The following PLVAP variants were observed in gnomAD, a reference collection of about 807,000 sequenced individuals.
PLVAP encodes plasmalemma vesicle-associated protein.
A neutral mutation model predicts 43.1 loss-of-function variants in PLVAP; 34 were observed. That is an observed-to-expected ratio of 0.79 (90% CI 0.60 to 1.05). The LOEUF is 1.05. PLVAP is among the 50% of genes least tolerant of loss of function. The pLI is 0.00. For synonymous variants in PLVAP, 241 were observed against 237.3 expected (o/e 1.02, Z -0.14); for missense variants, 574 against 593.4 (o/e 0.97, Z 0.34).
chr19:17,374,003 A>G (rs894711597), intron 1 of PLVAP, among the ~76,000 whole-genome samples: 12 of 152,132 alleles, frequency 7.9e-5, no homozygotes, highest in African/African-American at 2.9e-4. Flanking sequence ...CTCTACTAAA[A>G]ATACAAAACT....
chr19:17,357,298 A>AAAAGAAAAAGGAGTGG (rs2074510440), intron 5 of PLVAP, among the ~76,000 whole-genome samples: 1 of 151,910 alleles, frequency 6.6e-6, no homozygotes, highest in Admixed American at 6.6e-5. Context: ...CATCTCAAAA[A>AAAAGAAAAAGGAGTGG]AAAGAAAAAG....
In PLVAP at chr19:17,376,911, C is replaced by T; in HGVS notation, c.369+9G>A. ...GTCCCCAGGGCGAGTGTCCTGCCCACAGCCTTACCCGGTCACCCTGGCACT... is the reference window on the plus strand; with the variant it reads ...GTCCCCAGGGCGAGTGTCCTGCCCATAGCCTTACCCGGTCACCCTGGCACT... On this transcript the variant is annotated intron_variant, in intron 1 of 5. Coordinates refer to ENST00000252590, the MANE Select transcript of PLVAP (RefSeq NM_031310.3). 1 of 1,608,476 alleles carries T rather than the reference C, an allele frequency of 6.2e-7. No homozygotes were observed. The highest frequency in any genetic ancestry group is 8.5e-7 in the Non-Finnish European group (1 of 1,177,400).
At chr19:17,352,957 C>T (rs2074492143) in intron 5 of PLVAP, among the ~76,000 whole-genome samples, 1 of 152,190 alleles carries the variant, frequency 6.6e-6, no homozygotes, top group African/African-American at 2.4e-5. Context: ...CCCAACAATT[C>T]CAAGAGCCAT....
At chr19:17,353,721 C>T (rs549665088) in intron 5 of PLVAP, among the ~76,000 whole-genome samples, 2 of 152,302 alleles carry the variant, frequency 1.3e-5, no homozygotes, top group South Asian at 4.1e-4. Flanking sequence ...AACCTTCTTA[C>T]GCTTCCTGCC....
intron 3 of PLVAP, 124 bp from the exon 4 acceptor site, chr19:17,360,956 C>A: frequency 2.2e-6 from 2 of 912,744 alleles, no homozygotes; most frequent in Non-Finnish European, 3.2e-6. Flanking sequence ...CTCTTGTTGC[C>A]CAGGCTGGAG....
chr19:17,367,652 G>T (rs2145724116), intron 1 of PLVAP, among the ~76,000 whole-genome samples: 1 of 152,256 alleles, frequency 6.6e-6, no homozygotes, highest in Admixed American at 6.5e-5. Context: ...GCCTCCCAAA[G>T]TGCTGGGATT....
chr19:17,365,891 C>G lies in PLVAP; in HGVS notation c.574G>C (p.Val192Leu), dbSNP rs151286294. Residue 192 changes from valine (V) to leucine (L), a missense_variant, in exon 3 of 6, where the codon GTG becomes CTG. Val to Leu is a conservative substitution (Grantham distance 32). Coordinates refer to ENST00000252590, the MANE Select transcript of PLVAP (RefSeq NM_031310.3). ...CATTCAACCAGCTGTTCCTCCGCCA[C>G]GCGTTTGTTCAGCAGCACGCTTTCC... ...DKESVLLNKR[V>L]AEEQLVECVK... 6.2e-7 allele frequency: 1 copy of G among 1,614,098 alleles called. No homozygotes were observed. Among genetic ancestry groups the G allele is most frequent in the East Asian group, 2.2e-5 (1 of 44,874 alleles).
intron 1 of PLVAP, among the ~76,000 whole-genome samples, chr19:17,368,827 A>C (rs2074560350): frequency 6.6e-6 from 1 of 152,088 alleles, no homozygotes; most frequent in African/African-American, 2.4e-5. Context: ...AATACAAAAA[A>C]ATTAGCAGGG....
At chr19:17,370,006 A>AC (rs2074565968) in intron 1 of PLVAP, among the ~76,000 whole-genome samples, 1 of 95,022 alleles carries the variant, frequency 1.1e-5, no homozygotes, top group Admixed American at 1.3e-4. Flanking sequence ...CTGTCTAAAA[A>AC]AAAAAAAAAA....
chr19:17,352,323 GA>G lies in PLVAP; in HGVS notation c.*38del. 3.7e-6 allele frequency: 6 copies of G among 1,612,714 alleles called. No individual in the cohort carries two copies. Among genetic ancestry groups the G allele is most frequent in the Non-Finnish European group, 5.1e-6 (6 of 1,179,054 alleles). ...ATCCCTGCATCCTCCGCAAACCGCC[GA>G]GTCGGGCCATCCCTTGGTCCTCAGG... On this transcript the variant is annotated 3_prime_UTR_variant, in exon 6 of 6. Coordinates refer to ENST00000252590, the MANE Select transcript of PLVAP (RefSeq NM_031310.3).
In PLVAP at chr19:17,352,176, G is replaced by GATCA; in HGVS notation, c.*185_*186insTGAT. 2.7e-6 allele frequency: 2 copies of GATCA among 742,128 alleles called. No homozygotes were observed. The highest frequency in any genetic ancestry group is 4.4e-6 in the Non-Finnish European group (2 of 451,574). The allele number at this position is 742,128 out of a possible 1,614,324, so 46.0% of individuals were successfully genotyped here. On this transcript the variant is annotated 3_prime_UTR_variant, in exon 6 of 6. Coordinates refer to ENST00000252590, the MANE Select transcript of PLVAP (RefSeq NM_031310.3). ...CCGCGGCCGTGTGCTCTGGGTGAGG[G>GATCA]ATCGTGAGGCGCGGGTGCGGGTGTG...
At chr19:17,359,550 C>A (rs1028439312) in intron 5 of PLVAP, among the ~76,000 whole-genome samples, 2 of 151,716 alleles carry the variant, frequency 1.3e-5, no homozygotes, top group African/African-American at 4.8e-5. Context: ...GGACTACAGG[C>A]GCATACCACC....
chr19:17,370,851 T>G (rs925224814), intron 1 of PLVAP, among the ~76,000 whole-genome samples: 1 of 151,888 alleles, frequency 6.6e-6, no homozygotes, highest in African/African-American at 2.4e-5. Flanking sequence ...GGTCAGGAGA[T>G]CTAGACCATC....
At chr19:17,355,702 T>C (rs2074504305) in intron 5 of PLVAP, among the ~76,000 whole-genome samples, 1 of 151,838 alleles carries the variant, frequency 6.6e-6, no homozygotes, top group African/African-American at 2.4e-5. Context: ...GTCCAGTTAA[T>C]TTTTTGTATT....
chr19:17,352,072 C>G lies in PLVAP; in HGVS notation c.*290G>C, dbSNP rs1334123548. 4 of 504,382 alleles carry G rather than the reference C, an allele frequency of 7.9e-6. No individual in the cohort carries two copies. In the East Asian group the frequency reaches 1.2e-4, roughly 15 times the overall value. The allele number at this position is 504,382 out of a possible 1,614,324, so 31.2% of individuals were successfully genotyped here. The stretch of plus-strand genomic sequence containing the variant: ...GCACGACGCCATCGCTATATCTCTT[C>G]GTGACGTCTACATGGCCACGTGACG... On this transcript the variant is annotated 3_prime_UTR_variant, in exon 6 of 6. Coordinates refer to ENST00000252590, the MANE Select transcript of PLVAP (RefSeq NM_031310.3).
In PLVAP at chr19:17,351,587, G is replaced by A. The variant is rs2074484956; in HGVS notation, c.*775C>T. On this transcript the variant is annotated 3_prime_UTR_variant, in exon 6 of 6. Transcript: ENST00000252590. The stretch of plus-strand genomic sequence containing the variant: ...TCACCCCCGGCTCAGGGCCCCGAGG[G>A]GGTCCTGGAAACACTCACGCTCAAG... 6.6e-6 allele frequency: 1 copy of A among 152,296 alleles called. No individual in the cohort carries two copies. The highest frequency in any genetic ancestry group is 1.5e-5 in the Non-Finnish European group (1 of 68,082). The allele number at this position is 152,296 out of a possible 1,614,324, so 9.4% of individuals were successfully genotyped here. A position where few individuals can be genotyped will look rare whatever the true frequency, so the allele number is the denominator to read the frequency against.
chr19:17,375,085 G>A (rs1438691670), intron 1 of PLVAP, among the ~76,000 whole-genome samples: 1 of 152,122 alleles, frequency 6.6e-6, no homozygotes, highest in Non-Finnish European at 1.5e-5. Context: ...GCCTCTCACA[G>A]TGCTGGGATT....
At chr19:17,366,628 C>CT (rs11459938) in intron 1 of PLVAP, among the ~76,000 whole-genome samples, 59,103 of 144,236 alleles carry the variant, frequency 0.41, 12,008 homozygotes, top group African/African-American at 0.46. Context: ...AACTGAATTT[C>CT]TTTTTTTTTT....
intron 5 of PLVAP, among the ~76,000 whole-genome samples, chr19:17,359,693 C>CTTTTTTTTTTTTTT (rs10617408): frequency 1.7e-5 from 2 of 116,154 alleles, no homozygotes; most frequent in African/African-American, 3.2e-5. Context: ...TACCCGGCCT[C>CTTTTTTTTTTTTTT]TTTTTTTTTT....
Sources: gnomAD v4.1 joint callset for allele counts (sites outside exome capture counted in the v4.1 genomes callset) on GRCh38, gnomAD v4.1.1 for gene constraint, MANE v1.5 for transcripts, NCBI Gene and HGNC (gene_info 2026-07-23, HGNC 2026-07-21) for gene names.